The following ASTN2 variants were observed in gnomAD, a reference collection of about 807,000 sequenced individuals.
ASTN2 encodes the protein astrotactin-2.
ASTN2 carries 54 observed loss-of-function variants against 139.8 expected under a neutral mutation model. The observed-to-expected ratio is 0.39, with a 90% CI of 0.31 to 0.48. The LOEUF is 0.48. Among genes scored for constraint, ASTN2 ranks in the 20% least tolerant of loss-of-function variants. The pLI, the probability that ASTN2 is intolerant of heterozygous loss-of-function variation, is 0.95. For missense variants in ASTN2, 1,565 were observed against 1,725.1 expected, an observed-to-expected ratio of 0.91 and a Z score of 1.64; for synonymous variants, 756 against 719.5, an observed-to-expected ratio of 1.05 and a Z score of -0.81.
In ASTN2 at chr9:116,698,595, C is replaced by T; in HGVS notation, c.2806+27176G>A. ...AGATGTGGAGCTCCTTAAGGTAGGTCATGTTGGCCCCCTCCAAATTGGACA... is the reference window on the plus strand; with the variant it reads ...AGATGTGGAGCTCCTTAAGGTAGGTTATGTTGGCCCCCTCCAAATTGGACA... On this transcript the variant is annotated intron_variant, in intron 16 of 22. Transcript: ENST00000313400. The surrounding 1 kb of genome is among the most constrained non-coding windows in gnomAD (Gnocchi z 4.4). The T allele has an allele frequency of 6.2e-7, 1 of 1,614,084 alleles. No homozygotes were observed. The highest frequency in any genetic ancestry group is 8.5e-7 in the Non-Finnish European group (1 of 1,180,010).
chr9:116,861,230 CACA>C (rs1832873404), intron 11 of ASTN2, among the ~76,000 whole-genome samples: 1 of 150,546 alleles, frequency 6.6e-6, no homozygotes, highest in African/African-American at 2.4e-5. Context: ...CACACACACA[CACA>C]CACACACACA....
At position 117,033,875 on chromosome 9, in the gene ASTN2, C is replaced by A. The variant is rs118095099; in HGVS notation, c.1423+5944G>T. ...TTGCTATGAGAACTGAAGGAAGAAC[C>A]CTGTGTAAAGTGCTTTGTGTGCTAC... is the stretch of plus-strand genomic sequence containing the variant. On this transcript the variant is annotated intron_variant, in intron 6 of 22. Coordinates refer to ENST00000313400, the MANE Select transcript of ASTN2 (RefSeq NM_001365068.1). Among the ~76,000 whole-genome samples, 357 of 152,178 alleles carry A rather than the reference C, an allele frequency of 2.3e-3. 1 individual carries two copies. The highest frequency in any genetic ancestry group is 2.7e-3 in the Non-Finnish European group (187 of 68,006).
At chr9:117,250,614 A>G (rs566945547) in intron 2 of ASTN2, among the ~76,000 whole-genome samples, 4 of 152,356 alleles carry the variant, frequency 2.6e-5, no homozygotes, top group South Asian at 2.1e-4. Context: ...TTAGGTTGGT[A>G]CAAAAGTAAT....
At chr9:116,826,747 T>C (rs1317329434) in intron 11 of ASTN2, among the ~76,000 whole-genome samples, 15 of 152,062 alleles carry the variant, frequency 9.9e-5, no homozygotes, top group Non-Finnish European at 4.4e-5. Context: ...CTACTAACAC[T>C]GAAGCCAGTG....
chr9:117,228,479 C>G (rs1234461494), intron 2 of ASTN2, among the ~76,000 whole-genome samples: 1 of 152,046 alleles, frequency 6.6e-6, no homozygotes, highest in African/African-American at 2.4e-5. Context: ...CTCAGGATCT[C>G]CCCTACCGGG....
chr9:116,910,129 C>A (rs777743573), intron 10 of ASTN2, among the ~76,000 whole-genome samples: 13 of 152,096 alleles, frequency 8.5e-5, no homozygotes, highest in Non-Finnish European at 1.8e-4. Context: ...TTTTTTGGGG[C>A]CTGAGCTAAT....
intron 19 of ASTN2, among the ~76,000 whole-genome samples, chr9:116,577,440 G>GGAA (rs1230095261): frequency 6.8e-6 from 1 of 147,814 alleles, no homozygotes; most frequent in African/African-American, 2.5e-5. Flanking sequence ...GGCTGAGGCA[G>GGAA]GATCACTTGA....
intron 1 of ASTN2, among the ~76,000 whole-genome samples, chr9:117,398,254 C>T (rs1298791041): frequency 6.6e-6 from 1 of 152,174 alleles, no homozygotes; most frequent in Non-Finnish European, 1.5e-5. Context: ...AAGATTCCTT[C>T]AATCACACTA....
At chr9:117,019,162 A>T (rs1052721223) in intron 6 of ASTN2, among the ~76,000 whole-genome samples, 1 of 151,962 alleles carries the variant, frequency 6.6e-6, no homozygotes, top group Non-Finnish European at 1.5e-5. Context: ...CATAAATCAT[A>T]CCATGTTGAA....
At chr9:116,695,911 C>T (rs1445680087) in intron 16 of ASTN2, among the ~76,000 whole-genome samples, 1 of 152,178 alleles carries the variant, frequency 6.6e-6, no homozygotes, top group Non-Finnish European at 1.5e-5. Flanking sequence ...TTTAAATCAT[C>T]TAGGCTTGAG....
intron 1 of ASTN2, among the ~76,000 whole-genome samples, chr9:117,391,627 A>C (rs1461577342): frequency 1.3e-5 from 2 of 152,126 alleles, no homozygotes; most frequent in Non-Finnish European, 2.9e-5. Flanking sequence ...GCCAAACCAT[A>C]TCATTTCGCC....
intron 1 of ASTN2, among the ~76,000 whole-genome samples, chr9:117,402,635 G>A (rs569394467): frequency 1.2e-4 from 19 of 152,290 alleles, no homozygotes; most frequent in Non-Finnish European, 2.1e-4. Flanking sequence ...GATAGTCAGC[G>A]AGACATTTTT....
intron 10 of ASTN2, among the ~76,000 whole-genome samples, chr9:116,931,178 A>G (rs541911865): frequency 1.3e-5 from 2 of 152,288 alleles, no homozygotes; most frequent in Admixed American, 6.5e-5. Flanking sequence ...GTTCTGATCA[A>G]CACACACTGG....
At chr9:117,130,098 G>T (rs1376901144) in intron 4 of ASTN2, among the ~76,000 whole-genome samples, 1 of 152,088 alleles carries the variant, frequency 6.6e-6, no homozygotes, top group Non-Finnish European at 1.5e-5. Context: ...CTTGAGCTCA[G>T]GAATTCAAGA....
intron 19 of ASTN2, among the ~76,000 whole-genome samples, chr9:116,529,536 G>A (rs977264846): frequency 6.6e-6 from 1 of 152,118 alleles, no homozygotes; most frequent in Non-Finnish European, 1.5e-5. Context: ...GGAATGTTGT[G>A]AAGGCACAAT....
intron 10 of ASTN2, among the ~76,000 whole-genome samples, chr9:116,948,785 G>GTTTTTTTTTTTTGT (rs1835471789): frequency 2.0e-5 from 1 of 49,472 alleles, no homozygotes; most frequent in Non-Finnish European, 3.4e-5. Context: ...ATAATTTGGT[G>GTTTTTTTTTTTTGT]TTTTTTTTTT....
In ASTN2 at chr9:116,425,808, T is replaced by C. The variant is rs763295611; in HGVS notation, c.*43A>G. 6.8e-7 allele frequency: 1 copy of C among 1,472,950 alleles called. No homozygotes were observed. The highest frequency in any genetic ancestry group is 3.0e-5 in the East Asian group (1 of 33,648). The allele number at this position is 1,472,950 out of a possible 1,614,324, so 91.2% of individuals were successfully genotyped here. A position where few individuals can be genotyped will look rare whatever the true frequency, so the allele number is the denominator to read the frequency against. On this transcript the variant is annotated 3_prime_UTR_variant, in exon 23 of 23. Coordinates refer to ENST00000313400, the MANE Select transcript of ASTN2 (RefSeq NM_001365068.1). ...GGATCCAGGAGAATACTGCTCCCCC[T>C]CCCATGGAGAGTCTCTGTGCTCACG...
chr9:117,402,229 GATA>G (rs1830852430), intron 1 of ASTN2, among the ~76,000 whole-genome samples: 1 of 152,082 alleles, frequency 6.6e-6, no homozygotes, highest in African/African-American at 2.4e-5. Flanking sequence ...ACCACACCTG[GATA>G]ATTTTTGTGT....
At chr9:116,867,273 G>C (rs957486991) in intron 10 of ASTN2, among the ~76,000 whole-genome samples, 4 of 152,116 alleles carry the variant, frequency 2.6e-5, no homozygotes, top group Admixed American at 1.3e-4. Context: ...AGGAGAGGGA[G>C]AGAAGGTGGG....
Sources: allele counts gnomAD v4.1 joint callset (sites outside exome capture counted in the v4.1 genomes callset), GRCh38; gene constraint gnomAD v4.1.1; non-coding constraint Gnocchi (gnomAD v3.1); transcripts MANE v1.5; gene names NCBI Gene and HGNC (gene_info 2026-07-23, HGNC 2026-07-21).